Variants in MOSMO observed in about 807,000 individuals in gnomAD.
MOSMO encodes modulator of smoothened protein.
Under a neutral mutation model 18.4 loss-of-function variants are expected in MOSMO, and 5 were observed. That is an observed-to-expected ratio of 0.27 (90% CI 0.14 to 0.57). The LOEUF (loss-of-function observed/expected upper bound fraction) is 0.57. Among genes scored for constraint, MOSMO ranks in the 20% least tolerant of loss-of-function variants. MOSMO has a pLI of 0.92. For missense variants in MOSMO, 138 were observed against 211.8 expected (o/e 0.65, Z 2.16); for synonymous variants, 82 against 82.3 (o/e 1.00, Z 0.02).
intron 1 of MOSMO, among the ~76,000 whole-genome samples, chr16:22,021,697 C>G (rs1018602810): frequency 6.6e-6 from 1 of 151,776 alleles, no homozygotes. Flanking sequence ...ACTCAGGAGG[C>G]GTAGGTGGGA....
intron 1 of MOSMO, among the ~76,000 whole-genome samples, chr16:22,021,818 T>C (rs1010955707): frequency 6.6e-6 from 1 of 151,694 alleles, no homozygotes; most frequent in African/African-American, 2.4e-5. Context: ...TATATATATA[T>C]AGGGGAGAAG....
At chr16:22,054,030 A>G (rs1468221065) in intron 1 of MOSMO, among the ~76,000 whole-genome samples, 1 of 152,158 alleles carries the variant, frequency 6.6e-6, no homozygotes, top group Non-Finnish European at 1.5e-5. Flanking sequence ...TTCCAGTATC[A>G]TTTCTAACCT....
At chr16:22,090,435 G>A (rs1901280007), downstream of MOSMO, among the ~76,000 whole-genome samples, 2 of 152,166 alleles carry the variant, frequency 1.3e-5, no homozygotes, top group South Asian at 2.1e-4. Flanking sequence ...CTTTCCTCAT[G>A]ACATTAAACA....
chr16:22,091,602 G>A (rs1901329484), downstream of MOSMO, among the ~76,000 whole-genome samples: 1 of 152,028 alleles, frequency 6.6e-6, no homozygotes, highest in African/African-American at 2.4e-5. Context: ...TGTTGCCCAA[G>A]CTGATCTCAA....
rs1041498853 is a variant in MOSMO at position 22,008,141 on chromosome 16, G to A, written c.-161G>A. On this transcript the variant is annotated 5_prime_UTR_variant, in exon 1 of 3. Transcript: ENST00000542527. Reference sequence around the variant, plus strand: ...CGTCTGTGCGGGCCGCGCCGCGGCTGCTGGTCCCGGGCGCGCGGAGGGCGC... The same window carrying A: ...CGTCTGTGCGGGCCGCGCCGCGGCTACTGGTCCCGGGCGCGCGGAGGGCGC... The A allele has an allele frequency of 2.0e-5, 3 of 152,146 alleles. No individual in the cohort carries two copies. Among genetic ancestry groups the A allele is most frequent in the African/African-American group, 7.3e-5 (3 of 40,828 alleles). 9.4% of individuals were successfully genotyped at this position (152,146 alleles called of 1,614,324 possible). A position where few individuals can be genotyped will look rare whatever the true frequency, so the allele number is the denominator to read the frequency against.
At chr16:22,019,833 T>C (rs1046948385) in intron 1 of MOSMO, among the ~76,000 whole-genome samples, 1 of 152,172 alleles carries the variant, frequency 6.6e-6, no homozygotes, top group African/African-American at 2.4e-5. Context: ...CCCAGTCTTA[T>C]CTCATTTTCA....
chr16:22,008,821 G>A (rs1899452157), intron 1 of MOSMO, among the ~76,000 whole-genome samples: 1 of 152,136 alleles, frequency 6.6e-6, no homozygotes, highest in African/African-American at 2.4e-5. Context: ...GAAACCAGGC[G>A]GAGAGGCTAG....
rs573857992 is a variant in MOSMO at position 22,082,179 on chromosome 16, A to G, written c.*1299A>G. On this transcript the variant is annotated 3_prime_UTR_variant, in exon 3 of 3. Coordinates refer to ENST00000542527, the MANE Select transcript of MOSMO (RefSeq NM_001164579.2). Reference sequence around the variant, plus strand: ...CTGTAAGCATTATTAATACATCTTTACCAAAACCTGAGCAATACAATATTT... The same window carrying G: ...CTGTAAGCATTATTAATACATCTTTGCCAAAACCTGAGCAATACAATATTT... 5 of 152,292 alleles carry G rather than the reference A, an allele frequency of 3.3e-5. No homozygotes were observed. Among genetic ancestry groups the G allele is most frequent in the Admixed American group, 6.5e-5 (1 of 15,290 alleles). 9.4% of individuals were successfully genotyped at this position (152,292 alleles called of 1,614,324 possible). A position where few individuals can be genotyped will look rare whatever the true frequency, so the allele number is the denominator to read the frequency against.
At chr16:22,011,143 A>G (rs972024069) in intron 1 of MOSMO, among the ~76,000 whole-genome samples, 4 of 152,192 alleles carry the variant, frequency 2.6e-5, no homozygotes, top group Non-Finnish European at 5.9e-5. Flanking sequence ...GTCTAGCAGC[A>G]CTGATGCGTC....
At chr16:22,022,464 A>G (rs1241964691) in intron 1 of MOSMO, among the ~76,000 whole-genome samples, 4 of 152,202 alleles carry the variant, frequency 2.6e-5, no homozygotes, top group African/African-American at 9.7e-5. Context: ...TATCAAAGGT[A>G]ATGTGTATTT....
At position 22,042,342 on chromosome 16, in the gene MOSMO, TA is replaced by T. The variant is rs1458258118; in HGVS notation, c.107-33140del. Among the ~76,000 whole-genome samples the T allele has an allele frequency of 1.0e-3, 153 of 152,308 alleles. 3 individuals carry two copies. Among genetic ancestry groups the T allele is most frequent in the Non-Finnish European group, 7.4e-5 (5 of 68,024 alleles). ...ACCTTTTCTAGGCAAGGAATAGTCC[TA>T]AAAACATGTATCTTCTAATAATTCA... On this transcript the variant is annotated intron_variant, in intron 1 of 2. Transcript: ENST00000542527.
chr16:22,081,448 T>C lies in MOSMO; in HGVS notation c.*568T>C, dbSNP rs1901079314. 1 of 136,222 alleles carries C rather than the reference T, an allele frequency of 7.3e-6. No homozygotes were observed. The highest frequency in any genetic ancestry group is 1.5e-5 in the Non-Finnish European group (1 of 66,430). The allele number at this position is 136,222 out of a possible 1,614,324, so 8.4% of individuals were successfully genotyped here. On this transcript the variant is annotated 3_prime_UTR_variant, in exon 3 of 3. Transcript: ENST00000542527. ...AGAAGCCAATAGATCAAAACTTGTT[T>C]GCTAAAATGTATGTAAAAATTCTGA...
chr16:22,075,737 A>C (rs1900954667), intron 2 of MOSMO, 38 bp downstream of exon 2: 1 of 1,379,836 alleles, frequency 7.2e-7, no homozygotes, highest in South Asian at 1.2e-5. Context: ...TCTAGAAGGC[A>C]CCCACCCACA....
chr16:22,012,729 A>G (rs1310221296), intron 1 of MOSMO, among the ~76,000 whole-genome samples: 1 of 144,164 alleles, frequency 6.9e-6, no homozygotes, highest in Non-Finnish European at 1.5e-5. Context: ...GAACTACCAT[A>G]GAAGGAATAG....
At chr16:22,056,725 G>C (rs750670056) in intron 1 of MOSMO, among the ~76,000 whole-genome samples, 2 of 151,940 alleles carry the variant, frequency 1.3e-5, no homozygotes, top group Non-Finnish European at 2.9e-5. Flanking sequence ...ATATTTTAGT[G>C]TCTCTCTGAT....
At chr16:22,062,249 A>G (rs900617963) in intron 1 of MOSMO, among the ~76,000 whole-genome samples, 4 of 136,704 alleles carry the variant, frequency 2.9e-5, no homozygotes, top group Non-Finnish European at 4.6e-5. Flanking sequence ...GAGAATACTA[A>G]AATAAAAAAT....
chr16:22,078,523 A>C (rs1901017148), intron 2 of MOSMO, among the ~76,000 whole-genome samples: 1 of 152,200 alleles, frequency 6.6e-6, no homozygotes, highest in Non-Finnish European at 1.5e-5. Context: ...TGATTACTCC[A>C]TTATAAAGGA....
At chr16:22,022,273 C>T (rs996110763) in intron 1 of MOSMO, among the ~76,000 whole-genome samples, 2 of 151,990 alleles carry the variant, frequency 1.3e-5, no homozygotes, top group African/African-American at 4.8e-5. Flanking sequence ...TTCTCCCGCC[C>T]TGACCTCCCA....
At chr16:22,047,263 T>TA (rs763155869) in intron 1 of MOSMO, among the ~76,000 whole-genome samples, 2,440 of 146,998 alleles carry the variant, frequency 0.017, 41 homozygotes, top group Non-Finnish European at 0.026. Flanking sequence ...TTTTTTTTTT[T>TA]AGACGGAGTC....
Sources: gnomAD v4.1 joint callset for allele counts (sites outside exome capture counted in the v4.1 genomes callset) on GRCh38, gnomAD v4.1.1 for gene constraint, MANE v1.5 for transcripts, NCBI Gene and HGNC (gene_info 2026-07-23, HGNC 2026-07-21) for gene names.